The following NPM2 variants were observed in gnomAD, a reference collection of about 807,000 sequenced individuals.
NPM2 encodes nucleophosmin/nucleoplasmin 2, also known as nucleoplasmin-2.
NPM2 carries 25 observed loss-of-function variants against 32.0 expected under a neutral mutation model. The ratio of observed to expected loss-of-function variants is 0.78; its 90% CI spans 0.57 to 1.09. The LOEUF (loss-of-function observed/expected upper bound fraction) is 1.09. Ranked by LOEUF, NPM2 falls within the 50% of genes least tolerant of loss-of-function variation. The pLI is 0.00. For synonymous variants in NPM2, 111 were observed against 94.2 expected (o/e 1.18, Z -1.04); for missense variants, 282 against 259.9 (o/e 1.08, Z -0.58).
chr8:22,035,126 G>A (rs1293952313), intron 8 of NPM2, among the ~76,000 whole-genome samples: 3 of 152,102 alleles, frequency 2.0e-5, no homozygotes, highest in Admixed American at 6.6e-5. Flanking sequence ...TTAAAAAGAC[G>A]CTTATGGCAT....
At chr8:22,025,123 C>G (rs981409243) in intron 2 of NPM2, 93 bp from the exon 3 acceptor site, 1 of 1,105,804 alleles carries the variant, frequency 9.0e-7, no homozygotes, top group African/African-American at 1.6e-5. Context: ...CGAGCGACCC[C>G]TCAGTACCTG....
chr8:22,036,500 G>A lies in NPM2; in HGVS notation c.574G>A (p.Val192Ile), dbSNP rs541502282. Residue 192 changes from valine (V) to isoleucine (I), a missense_variant, in exon 9 of 10, where the codon GTT (valine) becomes ATT (isoleucine). Transcript: ENST00000518119. Reference sequence around the variant, plus strand: ...CGCTCCACCCTGTTGCAGAGCCAGCGTTAGAGACAAGAGCCCTGTGAAAAA... The same window carrying A: ...CGCTCCACCCTGTTGCAGAGCCAGCATTAGAGACAAGAGCCCTGTGAAAAA... ...EKEEEEIRASVRDKSPVKKAK... is the reference protein window; with the variant it reads ...EKEEEEIRASIRDKSPVKKAK... 4.1e-4 allele frequency: 653 copies of A among 1,604,954 alleles called. 6 individuals are homozygous for A. The South Asian group carries it at 6.8e-3, about 17-fold the overall frequency.
intron 5 of NPM2, among the ~76,000 whole-genome samples, chr8:22,031,001 A>G (rs1320140598): frequency 1.3e-5 from 2 of 152,072 alleles, no homozygotes; most frequent in East Asian, 3.8e-4. Flanking sequence ...TTTTTTTCCA[A>G]AAGAATTCGA....
At chr8:22,026,354 T>C (rs757578035) in intron 5 of NPM2, among the ~76,000 whole-genome samples, 1 of 151,994 alleles carries the variant, frequency 6.6e-6, no homozygotes, top group Non-Finnish European at 1.5e-5. Flanking sequence ...GACAGGAACA[T>C]GGTCGATCTA....
intron 8 of NPM2, among the ~76,000 whole-genome samples, chr8:22,035,986 T>C (rs921262742): frequency 6.8e-6 from 1 of 147,366 alleles, no homozygotes; most frequent in East Asian, 2.0e-4. Flanking sequence ...TGAAAGAAAA[T>C]ACACCAAAAT....
At chr8:22,035,028 C>T (rs1800572554) in intron 8 of NPM2, among the ~76,000 whole-genome samples, 1 of 152,120 alleles carries the variant, frequency 6.6e-6, no homozygotes, top group Non-Finnish European at 1.5e-5. Flanking sequence ...ATTGCTTGAG[C>T]CCGGGGAAAA....
chr8:22,025,772 G>A lies in NPM2; in HGVS notation c.270G>A (p.Met90Ile), dbSNP rs769344147. 24 of 1,613,888 alleles carry A rather than the reference G, an allele frequency of 1.5e-5. No individual in the cohort carries two copies. The highest frequency in any genetic ancestry group is 1.5e-5 in the Non-Finnish European group (18 of 1,180,010). The change falls in exon 5 of 10, where the codon ATG becomes ATA. Residue 90 changes from methionine (M) to isoleucine (I), a missense_variant and splice_region_variant. Physicochemically the swap from Met to Ile is conservative, Grantham distance 10. Transcript: ENST00000518119. Reference sequence around the variant, plus strand: ...CACTCCAGGCCTCAGTCCTCCCCATGGTGCGCATTTCCCTGCTGGCTGGAA... The same window carrying A: ...CACTCCAGGCCTCAGTCCTCCCCATAGTGCGCATTTCCCTGCTGGCTGGAA... ...IASLQASVLPMVSMVGVQLSP... is the reference protein window; with the variant it reads ...IASLQASVLPIVSMVGVQLSP...
At chr8:22,025,166 C>G in intron 2 of NPM2, 50 bp from the exon 3 acceptor site, 1 of 1,475,578 alleles carries the variant, frequency 6.8e-7, no homozygotes, top group Non-Finnish European at 9.2e-7. Flanking sequence ...ATCCTCCAGT[C>G]GAGGGTCAGG....
intron 5 of NPM2, among the ~76,000 whole-genome samples, chr8:22,026,896 C>G (rs915314676): frequency 1.3e-5 from 2 of 152,146 alleles, no homozygotes; most frequent in Non-Finnish European, 2.9e-5. Flanking sequence ...TACATTTTGT[C>G]AGGTTAAGGA....
chr8:22,033,629 C>G (rs1800515955), intron 6 of NPM2, among the ~76,000 whole-genome samples: 1 of 152,216 alleles, frequency 6.6e-6, no homozygotes, highest in Non-Finnish European at 1.5e-5. Flanking sequence ...AAGGTCCCTT[C>G]AACTGGCCCT....
chr8:22,026,454 CTT>C (rs1171179196), intron 5 of NPM2, among the ~76,000 whole-genome samples: 12 of 111,396 alleles, frequency 1.1e-4, no homozygotes, highest in Non-Finnish European at 1.3e-4. Flanking sequence ...CAGTTCTTGC[CTT>C]TTTTTTTTTT....
chr8:22,033,551 T>TGCAGACCATAGCAAC (rs142011619), intron 6 of NPM2, among the ~76,000 whole-genome samples: 74 of 152,190 alleles, frequency 4.9e-4, no homozygotes, highest in East Asian at 2.7e-3. Context: ...GCTGCAGTGA[T>TGCAGACCATAGCAAC]GCAGACCATA....
chr8:22,028,468 C>T (rs1244793809), intron 5 of NPM2, among the ~76,000 whole-genome samples: 2 of 141,918 alleles, frequency 1.4e-5, no homozygotes, highest in Non-Finnish European at 3.0e-5. Context: ...ACAGGCGCTC[C>T]CCACCATGCC....
At chr8:22,034,408 G>T in intron 7 of NPM2, 102 bp from the exon 8 acceptor site, 3 of 1,382,154 alleles carry the variant, frequency 2.2e-6, no homozygotes, top group Non-Finnish European at 3.0e-6. Context: ...ACCTCAGCTA[G>T]TTCTGGCCAG....
intron 5 of NPM2, among the ~76,000 whole-genome samples, chr8:22,027,993 T>G (rs891716660): frequency 2.6e-5 from 4 of 152,146 alleles, no homozygotes; most frequent in Admixed American, 2.6e-4. Context: ...GGACCACATC[T>G]CATCATCTTC....
intron 8 of NPM2, among the ~76,000 whole-genome samples, chr8:22,035,970 T>C (rs7829475): frequency 0.032 from 4,566 of 140,872 alleles, 106 homozygotes; most frequent in Middle Eastern, 0.084. Context: ...AAAAAAATAA[T>C]AACCCTGAAA....
In NPM2 at chr8:22,025,245, A is replaced by T; in HGVS notation, c.-4A>T. On this transcript the variant is annotated 5_prime_UTR_variant, in exon 3 of 10. Coordinates refer to ENST00000518119, the MANE Select transcript of NPM2 (RefSeq NM_001286680.2). ...CCGGCCAGCCCGCTTCTCTGCCCGG[A>T]GCCATGAATCTCAGTAGCGCCAGTA... 6.2e-7 allele frequency: 1 copy of T among 1,611,510 alleles called. No individual in the cohort carries two copies. The highest frequency in any genetic ancestry group is 1.1e-5 in the South Asian group (1 of 90,712).
intron 5 of NPM2, 62 bp downstream of exon 5, chr8:22,025,834 A>T: frequency 1.2e-6 from 2 of 1,603,000 alleles, no homozygotes; most frequent in Non-Finnish European, 1.7e-6. Context: ...TTGGGTGGGG[A>T]TGGACACACA....
chr8:22,034,317 C>T (rs376917999), intron 7 of NPM2, 42 bp downstream of exon 7: 3 of 1,542,752 alleles, frequency 1.9e-6, no homozygotes, highest in Non-Finnish European at 1.8e-6. Context: ...AGTGGTACCC[C>T]TACAGAAGCA....
Sources: allele counts gnomAD v4.1 joint callset (sites outside exome capture counted in the v4.1 genomes callset), GRCh38; gene constraint gnomAD v4.1.1; transcripts MANE v1.5; gene names NCBI Gene and HGNC (gene_info 2026-07-23, HGNC 2026-07-21).